The following NOX1 variants were observed in gnomAD, a reference collection of about 807,000 sequenced individuals.
The protein encoded by NOX1 is NADPH oxidase 1.
A neutral mutation model predicts 42.5 loss-of-function variants in NOX1; 34 were observed. The ratio of observed to expected loss-of-function variants is 0.80; its 90% CI spans 0.61 to 1.07. The LOEUF is 1.07. Among genes scored for constraint, NOX1 ranks in the 50% least tolerant of loss-of-function variants. NOX1 has a pLI of 0.00. For synonymous variants in NOX1, 143 were observed against 152.5 expected, an observed-to-expected ratio of 0.94 and a Z score of 0.46; for missense variants, 408 against 427.0, an observed-to-expected ratio of 0.96 and a Z score of 0.39.
At chrX:100,859,708 G>GT (rs765160622) in intron 7 of NOX1, among the ~76,000 whole-genome samples, 2,287 of 91,065 alleles carry the variant, frequency 0.025, 95 homozygotes, top group African/African-American at 0.085. Flanking sequence ...CTTCTAGGTT[G>GT]TTTTTTTTTT....
At chrX:100,859,821 G>GT (rs545147288) in intron 7 of NOX1, among the ~76,000 whole-genome samples, 2,657 of 103,979 alleles carry the variant, frequency 0.026, 44 homozygotes, top group South Asian at 0.089. Flanking sequence ...TTCTGATTGT[G>GT]TTTTTTGGAT....
Position 100,844,073 on chromosome X carries a change from A to G in NOX1, c.1574T>C (p.Val525Ala). Reference protein sequence around the residue: ...STIATSHPKSVVGVFLCGPRT... With the variant: ...STIATSHPKSAVGVFLCGPRT... ...AGGGCCACATAAGAAAACTCCCACT[A>G]CAGACCTGTAGGAACAGAACAATAG... Residue 525 changes from valine (V) to alanine (A), a missense_variant, in exon 13 of 13, where the codon GTA becomes GCA. By Grantham distance (64) the Val-to-Ala change is moderately conservative. Coordinates refer to ENST00000372966, the MANE Select transcript of NOX1 (RefSeq NM_007052.5). 8.4e-7 allele frequency: 1 copy of G among 1,187,021 alleles called. No individual in the cohort carries two copies. Among genetic ancestry groups the G allele is most frequent in the Non-Finnish European group, 1.1e-6 (1 of 881,778 alleles).
Position 100,862,205 on chromosome X carries a change from C to T in NOX1, c.770G>A (p.Cys257Tyr), listed in dbSNP as rs371354816. 20 of 1,210,033 alleles carry T rather than the reference C, an allele frequency of 1.7e-5. No individual in the cohort carries two copies. The highest frequency in any genetic ancestry group is 4.4e-5 in the Admixed American group (2 of 45,803). Residue 257 changes from cysteine to tyrosine, a missense_variant, in exon 7 of 13, where the codon TGT becomes TAT. By Grantham distance (194) the Cys-to-Tyr change is radical (BLOSUM62 -2). Coordinates refer to ENST00000372966, the MANE Select transcript of NOX1 (RefSeq NM_007052.5). ...FEMWDDRDSH[C>Y]RRPKFEGHPP... The stretch of plus-strand genomic sequence containing the variant: ...ATGCCCTTCAAACTTAGGGCGCCTA[C>T]AGTGGGAGTCACGATCATCCCACAT...
Position 100,851,829 on chromosome X carries a change from G to A in NOX1, c.805-504C>T, listed in dbSNP as rs2085116568. ...CATGGGATGCTGAGGCATAAGAATC[G>A]CTTGAACCCAGGAGGCAGCAGAGGT... is the stretch of plus-strand genomic sequence containing the variant. On this transcript the variant is annotated intron_variant, in intron 7 of 12. Transcript: ENST00000372966. Among the ~76,000 whole-genome samples, 6 of 111,295 alleles carry A rather than the reference G, an allele frequency of 5.4e-5. No individual in the cohort carries two copies. In the Admixed American group the frequency reaches 5.7e-4, roughly 11 times the overall value.
At chrX:100,860,314 G>A (rs1475789142) in intron 7 of NOX1, among the ~76,000 whole-genome samples, 1 of 111,876 alleles carries the variant, frequency 8.9e-6, no homozygotes, top group African/African-American at 3.2e-5. Flanking sequence ...ACATATTTAA[G>A]TATATTTGTG....
chrX:100,865,044 G>C (rs763504410), intron 2 of NOX1, among the ~76,000 whole-genome samples: 1 of 112,593 alleles, frequency 8.9e-6, no homozygotes, highest in South Asian at 3.7e-4. Flanking sequence ...GCCAGGACAA[G>C]ATCTGCCTAG....
chrX:100,862,322 G>A lies in NOX1; in HGVS notation c.672-19C>T. 7 of 1,211,318 alleles carry A rather than the reference G, an allele frequency of 5.8e-6. No homozygotes were observed. In the South Asian group the frequency reaches 1.2e-4, roughly 21 times the overall value. ...AATTCCACTGAAATAGACAAAGAAG[G>A]ATGGTTTGGGACAAAGAATTATGCA... On this transcript the variant is annotated intron_variant, in intron 6 of 12. Transcript: ENST00000372966.
intron 5 of NOX1, 31 bp downstream of exon 5, chrX:100,862,638 T>G: frequency 1.7e-6 from 2 of 1,190,223 alleles, no homozygotes; most frequent in Non-Finnish European, 2.3e-6. Context: ...CATGACCAGA[T>G]CTCAGATGCT....
chrX:100,849,524 G>T (rs1259142712), intron 10 of NOX1, 98 bp from the exon 11 acceptor site: 1 of 942,714 alleles, frequency 1.1e-6, no homozygotes, highest in Non-Finnish European at 1.4e-6. Flanking sequence ...TCAGAGTTCT[G>T]ACAATTTTCC....
chrX:100,872,194 C>T (rs1450047006), intron 1 of NOX1, among the ~76,000 whole-genome samples: 3 of 111,881 alleles, frequency 2.7e-5, no homozygotes, highest in Non-Finnish European at 1.9e-5. Context: ...GAGTGTCTTC[C>T]AGAGAAACGT....
rs1569445431 is a variant in NOX1, at chrX:100,853,255, TTC to T, written c.805-1932_805-1931del. Among the ~76,000 whole-genome samples the T allele has an allele frequency of 4.9e-3, 173 of 35,003 alleles. 5 individuals carry two copies. Among genetic ancestry groups the T allele is most frequent in the Non-Finnish European group, 5.9e-3 (112 of 19,011 alleles). The allele number at this position is 35,003 out of a possible 115,157, so 30.4% of individuals were successfully genotyped here. A position where few individuals can be genotyped will look rare whatever the true frequency, so the allele number is the denominator to read the frequency against. On this transcript the variant is annotated intron_variant, in intron 7 of 12. Coordinates refer to ENST00000372966, the MANE Select transcript of NOX1 (RefSeq NM_007052.5). The stretch of plus-strand genomic sequence containing the variant: ...TCTTTTTCTTTCTTTCCTTCCTTCC[TTC>T]CTTCCTTTCTTTCTTTCTTTCTTTC...
At chrX:100,859,421 G>A (rs964136565) in intron 7 of NOX1, among the ~76,000 whole-genome samples, 7 of 111,348 alleles carry the variant, frequency 6.3e-5, no homozygotes, top group South Asian at 7.6e-4. Context: ...TCTCTGCCAC[G>A]TTTTGGTATC....
chrX:100,866,216 C>G (rs1239843916), intron 2 of NOX1, among the ~76,000 whole-genome samples: 9 of 89,400 alleles, frequency 1.0e-4, no homozygotes, highest in Non-Finnish European at 1.8e-4. Context: ...AGTGAGACTC[C>G]ATCTCAAAAA....
At position 100,843,399 on chromosome X, in the gene NOX1, CA is replaced by C; in HGVS notation, c.*552del. ...AATTGCTGTTCACACTGGATAAGAC[CA>C]TATCAAAAGTGACAGTAAACATGTA... On this transcript the variant is annotated 3_prime_UTR_variant, in exon 13 of 13. Transcript: ENST00000372966. The C allele has an allele frequency of 2.6e-6, 3 of 1,141,511 alleles. No individual in the cohort carries two copies. Among genetic ancestry groups the C allele is most frequent in the Non-Finnish European group, 2.3e-6 (2 of 863,170 alleles). 94.1% of individuals were successfully genotyped at this position (1,141,511 alleles called of 1,213,427 possible).
intron 7 of NOX1, among the ~76,000 whole-genome samples, chrX:100,853,300 T>TTCTTTCTCTCTCTTTC (rs2085135626): frequency 7.2e-5 from 5 of 69,386 alleles, no homozygotes; most frequent in Admixed American, 1.5e-4. Flanking sequence ...CTTTCTTTCT[T>TTCTTTCTCTCTCTTTC]TCTTTCTTTC....
Position 100,846,784 on chromosome X carries a change from A to G in NOX1, c.1568+1846T>C, listed in dbSNP as rs190998071. ...ATTGTCTCACTTAATTGTCATAACA[A>G]CCCTGCAAGTGAGTAGAGCAGGCAT... On this transcript the variant is annotated intron_variant, in intron 12 of 12. Coordinates refer to ENST00000372966, the MANE Select transcript of NOX1 (RefSeq NM_007052.5). Among the ~76,000 whole-genome samples the G allele has an allele frequency of 5.6e-3, 634 of 112,708 alleles. 4 individuals are homozygous for G. The highest frequency in any genetic ancestry group is 0.02 in the African/African-American group (607 of 31,040).
Position 100,862,247 on chromosome X carries a change from C to T in NOX1, c.728G>A (p.Cys243Tyr), listed in dbSNP as rs1343035825. 6 of 1,211,086 alleles carry T rather than the reference C, an allele frequency of 5.0e-6. No homozygotes were observed. Among genetic ancestry groups the T allele is most frequent in the Non-Finnish European group, 6.7e-6 (6 of 895,073 alleles). The stretch of plus-strand genomic sequence containing the variant: ...ATCCCACATCTCAAAAGACTCTGCA[C>T]ACTTGCGAGGATGACTCTCATTCAT... ...ESMNESHPRK[C>Y]AESFEMWDDR... The change falls in exon 7 of 13, where the codon TGT (cysteine) becomes TAT (tyrosine). Residue 243 changes from cysteine (C) to tyrosine (Y), a missense_variant. Coordinates refer to ENST00000372966, the MANE Select transcript of NOX1 (RefSeq NM_007052.5).
chrX:100,843,678 C>A lies in NOX1; in HGVS notation c.*274G>T. ...ACCAAACCTCTGCTATCAAGCCTTG[C>A]TACAGTCATGGCTGTCCAGAAAGAT... On this transcript the variant is annotated 3_prime_UTR_variant, in exon 13 of 13. Transcript: ENST00000372966. 1 of 405,239 alleles carries A rather than the reference C, an allele frequency of 2.5e-6. No homozygotes were observed. The highest frequency in any genetic ancestry group is 4.1e-6 in the Non-Finnish European group (1 of 243,447). 33.4% of individuals were successfully genotyped at this position (405,239 alleles called of 1,213,427 possible).
chrX:100,859,838 T>C (rs1416284013), intron 7 of NOX1, among the ~76,000 whole-genome samples: 1 of 108,196 alleles, frequency 9.2e-6, no homozygotes, highest in Non-Finnish European at 1.9e-5. Flanking sequence ...GGATTGTCTC[T>C]CTTTTTTCTT....
Sources: gnomAD v4.1 joint callset for allele counts (sites outside exome capture counted in the v4.1 genomes callset) on GRCh38, gnomAD v4.1.1 for gene constraint, MANE v1.5 for transcripts, NCBI Gene and HGNC (gene_info 2026-07-23, HGNC 2026-07-21) for gene names.